CCDC171: variants seen among roughly 807,000 people sequenced by gnomAD.
The protein encoded by CCDC171 is coiled-coil domain-containing protein 171.
Under a neutral mutation model 168.2 loss-of-function variants are expected in CCDC171, and 177 were observed. The ratio of observed to expected loss-of-function variants is 1.05; its 90% CI spans 0.93 to 1.19. CCDC171 has a LOEUF of 1.19. Ranked by LOEUF, CCDC171 falls within the 50% of genes most tolerant of loss-of-function variation. The probability of loss-of-function intolerance (pLI) is 0.00; values close to 1 mark genes in which losing one functional copy is unlikely to be tolerated. For synonymous variants in CCDC171, 687 were observed against 540.8 expected (o/e 1.27, Z -3.75); for missense variants, 1,991 against 1,539.0 (o/e 1.29, Z -4.91).
chr9:15,582,776 C>T (rs1461009361), intron 4 of CCDC171, among the ~76,000 whole-genome samples: 1 of 150,786 alleles, frequency 6.6e-6, no homozygotes, highest in African/African-American at 2.4e-5. Context: ...ACACTGGGGC[C>T]TGGCAGGAGG....
chr9:15,859,625 A>AC (rs1392541258), intron 23 of CCDC171, among the ~76,000 whole-genome samples: 7 of 56,386 alleles, frequency 1.2e-4, no homozygotes, highest in African/African-American at 4.8e-4. Flanking sequence ...CTCTGCCCCC[A>AC]CCCCCCGAAT....
intron 24 of CCDC171, among the ~76,000 whole-genome samples, chr9:15,901,725 G>A (rs1589051563): frequency 1.3e-5 from 2 of 152,102 alleles, no homozygotes; most frequent in East Asian, 1.9e-4. Flanking sequence ...AAACATTAAT[G>A]TGTCCTGTAA....
intron 10 of CCDC171, among the ~76,000 whole-genome samples, chr9:15,687,019 C>A (rs1430891776): frequency 6.6e-6 from 1 of 152,072 alleles, no homozygotes; most frequent in Non-Finnish European, 1.5e-5. Context: ...ATGAAACAAG[C>A]CTCAATAAAT....
At chr9:16,028,065 G>A (rs1036633120) in intron 6 of CCDC171, among the ~76,000 whole-genome samples, 18 of 152,172 alleles carry the variant, frequency 1.2e-4, no homozygotes, top group African/African-American at 4.3e-4. Context: ...TAAATTTTGT[G>A]AAGGACATTC....
the CCDC171 span, among the ~76,000 whole-genome samples, chr9:16,105,519 G>C: frequency 6.6e-6 from 1 of 152,146 alleles, no homozygotes; most frequent in South Asian, 2.1e-4. Flanking sequence ...TTCATGGCTT[G>C]ATGGCCTCGT....
At chr9:15,979,074 C>T (rs59138830) in intron 3 of CCDC171, among the ~76,000 whole-genome samples, 11,543 of 152,096 alleles carry the variant, frequency 0.076, 1,435 homozygotes, top group African/African-American at 0.26. Flanking sequence ...TACTTCATTC[C>T]TTTTCAAGTG....
intron 25 of CCDC171, among the ~76,000 whole-genome samples, chr9:15,948,790 G>A (rs1310384923): frequency 1.3e-5 from 2 of 151,522 alleles, no homozygotes; most frequent in African/African-American, 2.4e-5. Context: ...CACTCTGATG[G>A]TAGTTTCTTT....
chr9:15,742,231 C>T (rs1403564729), intron 16 of CCDC171, among the ~76,000 whole-genome samples: 1 of 152,132 alleles, frequency 6.6e-6, no homozygotes, highest in Non-Finnish European at 1.5e-5. Context: ...TTCTCACATC[C>T]CTTTACTAAG....
At chr9:15,785,742 T>A (rs1341156576) in intron 21 of CCDC171, among the ~76,000 whole-genome samples, 1 of 151,934 alleles carries the variant, frequency 6.6e-6, no homozygotes, top group African/African-American at 2.4e-5. Flanking sequence ...ATCTAGGGAG[T>A]CAGATTTCAC....
At chr9:15,868,933 T>A (rs1272155549) in intron 23 of CCDC171, among the ~76,000 whole-genome samples, 1 of 152,010 alleles carries the variant, frequency 6.6e-6, no homozygotes, top group Non-Finnish European at 1.5e-5. Context: ...TGATATAAAA[T>A]GGTGTAGTAT....
intron 24 of CCDC171, among the ~76,000 whole-genome samples, chr9:15,882,129 A>T (rs72708853): frequency 0.018 from 2,697 of 152,222 alleles, 46 homozygotes; most frequent in Non-Finnish European, 0.027. Context: ...TTTAATATAA[A>T]TTTTAACCGG....
chr9:15,599,963 G>T (rs904091105), intron 6 of CCDC171, among the ~76,000 whole-genome samples: 7 of 151,738 alleles, frequency 4.6e-5, no homozygotes, highest in Non-Finnish European at 1.0e-4. Context: ...TTGTGCATTC[G>T]TCACATAGTT....
intron 25 of CCDC171, among the ~76,000 whole-genome samples, chr9:15,964,738 T>G (rs1309914525): frequency 6.6e-6 from 1 of 152,134 alleles, no homozygotes; most frequent in Non-Finnish European, 1.5e-5. Flanking sequence ...AAATTAAAGT[T>G]TAAATGTTCT....
chr9:15,946,843 G>A (rs1336318009), intron 25 of CCDC171, among the ~76,000 whole-genome samples: 1 of 151,984 alleles, frequency 6.6e-6, no homozygotes, highest in Non-Finnish European at 1.5e-5. Flanking sequence ...CTCTGCCTAA[G>A]TAAATGTTGT....
intron 25 of CCDC171, among the ~76,000 whole-genome samples, chr9:15,937,432 A>G (rs116055167): frequency 6.6e-6 from 1 of 152,106 alleles, no homozygotes; most frequent in African/African-American, 2.4e-5. Flanking sequence ...AAAAGTTGTA[A>G]TAATTAGATG....
intron 6 of CCDC171, among the ~76,000 whole-genome samples, chr9:15,602,042 A>C (rs573954735): frequency 9.2e-5 from 14 of 152,192 alleles, no homozygotes; most frequent in African/African-American, 3.1e-4. Context: ...AAATGTGGGA[A>C]TATGCTCCCT....
At chr9:15,640,080 A>G (rs1266725346) in intron 7 of CCDC171, among the ~76,000 whole-genome samples, 1 of 152,180 alleles carries the variant, frequency 6.6e-6, no homozygotes, top group Non-Finnish European at 1.5e-5. Context: ...TATATAGTAA[A>G]ATAAGTATCA....
chr9:15,879,827 A>G (rs1818378906), intron 24 of CCDC171, among the ~76,000 whole-genome samples: 2 of 152,160 alleles, frequency 1.3e-5, no homozygotes, highest in African/African-American at 2.4e-5. Flanking sequence ...TTCCCCTGGA[A>G]TAAATTAGTA....
chr9:16,069,066 A>G, the CCDC171 span, among the ~76,000 whole-genome samples: 13 of 152,218 alleles, frequency 8.5e-5, no homozygotes, highest in African/African-American at 3.1e-4. Flanking sequence ...GTCTTCAAGC[A>G]CATGAGGTGG....
Sources: gnomAD v4.1 joint callset for allele counts (sites outside exome capture counted in the v4.1 genomes callset) on GRCh38, gnomAD v4.1.1 for gene constraint, MANE v1.5 for transcripts, NCBI Gene and HGNC (gene_info 2026-07-23, HGNC 2026-07-21) for gene names.